The following MRTFA variants were observed in gnomAD, a reference collection of about 807,000 sequenced individuals.
MRTFA encodes the protein myocardin related transcription factor A, also known as myocardin-related transcription factor A.
MRTFA carries 20 observed loss-of-function variants against 83.5 expected under a neutral mutation model. The ratio of observed to expected loss-of-function variants is 0.24; its 90% confidence interval spans 0.17 to 0.35. The LOEUF is 0.35. MRTFA is among the 10% of genes least tolerant of loss of function. The pLI, the probability that MRTFA is intolerant of heterozygous loss-of-function variation, is 1.00. For missense variants in MRTFA, 1,200 were observed against 1,224.7 expected (o/e 0.98, Z 0.30); for synonymous variants, 659 against 541.2 (o/e 1.22, Z -3.02).
intron 3 of MRTFA, chr22:40,522,834 G>A (rs144784134): frequency 6.6e-6 from 1 of 152,308 alleles, no homozygotes; most frequent in Admixed American, 6.5e-5. Flanking sequence ...CCACAGGTAT[G>A]TTCGGGATGG....
At chr22:40,491,572 G>A (rs1442226726) in intron 3 of MRTFA, among the ~76,000 whole-genome samples, 1 of 152,154 alleles carries the variant, frequency 6.6e-6, no homozygotes, top group Non-Finnish European at 1.5e-5. Flanking sequence ...AAACTGAAAT[G>A]ATCATCAATA....
intron 3 of MRTFA, among the ~76,000 whole-genome samples, chr22:40,474,998 CTGACTAAT>C (rs766161250): frequency 5.3e-5 from 8 of 151,962 alleles, no homozygotes; most frequent in Admixed American, 1.3e-4. Context: ...GCCACCACGC[CTGACTAAT>C]TTTTGTATTT....
At chr22:40,425,180 G>A (rs1410133781) in intron 7 of MRTFA, among the ~76,000 whole-genome samples, 1 of 152,268 alleles carries the variant, frequency 6.6e-6, no homozygotes, top group Admixed American at 6.5e-5. Flanking sequence ...AGGCAGGGGA[G>A]GAGGGCGTAG....
At chr22:40,433,204 TA>T in intron 5 of MRTFA, 1 of 166,622 alleles carries the variant, frequency 6.0e-6, no homozygotes, top group Non-Finnish European at 1.3e-5. Context: ...TGGACTGGTT[TA>T]GAGGGTATAA....
rs969469045 is a variant in MRTFA at position 40,518,974 on chromosome 22, T to C, written c.241+33132A>G. 2.6e-5 allele frequency among the ~76,000 whole-genome samples: 4 copies of C among 151,554 alleles called. No homozygotes were observed. The East Asian group carries it at 7.7e-4, about 29-fold the overall frequency. ...TCTTTTATGTTTTCGTGATTTTTGT[T>C]TTGGAGGCTTTTGGTGGTGGTGGTG... On this transcript the variant is annotated intron_variant, in intron 3 of 14. Coordinates refer to ENST00000355630, the MANE Select transcript of MRTFA (RefSeq NM_020831.6).
At chr22:40,443,718 CT>C (rs1210438836) in intron 4 of MRTFA, among the ~76,000 whole-genome samples, 2 of 152,340 alleles carry the variant, frequency 1.3e-5, no homozygotes, top group Non-Finnish European at 2.9e-5. Context: ...GGAATCTAGA[CT>C]TCCATCCTTG....
intron 3 of MRTFA, among the ~76,000 whole-genome samples, chr22:40,507,168 T>C (rs573867800): frequency 2.0e-5 from 3 of 152,122 alleles, no homozygotes; most frequent in Non-Finnish European, 4.4e-5. Flanking sequence ...GAGACCAACC[T>C]GGGCAACAAG....
intron 1 of MRTFA, among the ~76,000 whole-genome samples, chr22:40,604,893 T>C (rs946140690): frequency 6.6e-6 from 1 of 152,174 alleles, no homozygotes; most frequent in Non-Finnish European, 1.5e-5. Context: ...CTGTCTGTTG[T>C]TGTCGTTGAA....
rs566280537 is a variant in MRTFA, at chr22:40,416,691, T to C, written c.2578+295A>G. On this transcript the variant is annotated intron_variant, in intron 14 of 14. Coordinates refer to ENST00000355630, the MANE Select transcript of MRTFA (RefSeq NM_020831.6). This position sits in a 1 kb window ranked among gnomAD's most constrained non-coding sequence, Gnocchi z 4.2. ...TTCCATATGATCTGCTTATTTCTTA[T>C]ATTTGTTGTCCACCTCCCCAGGCTG... Among the ~76,000 whole-genome samples the C allele has an allele frequency of 2.0e-5, 3 of 152,254 alleles. No individual in the cohort carries two copies. The highest frequency in any genetic ancestry group is 4.4e-5 in the Non-Finnish European group (3 of 68,050).
chr22:40,578,685 G>A (rs1049687165), intron 2 of MRTFA, among the ~76,000 whole-genome samples: 2 of 152,120 alleles, frequency 1.3e-5, no homozygotes, highest in Non-Finnish European at 2.9e-5. Flanking sequence ...ACTTTGGGAG[G>A]CTGAGGCAAA....
At chr22:40,539,238 G>A (rs1385477237) in intron 3 of MRTFA, among the ~76,000 whole-genome samples, 7 of 151,660 alleles carry the variant, frequency 4.6e-5, no homozygotes, top group African/African-American at 1.7e-4. Flanking sequence ...GGCCTCAAGT[G>A]ATCCACCAGC....
chr22:40,585,762 C>G (rs1602463352), intron 2 of MRTFA, among the ~76,000 whole-genome samples: 1 of 152,262 alleles, frequency 6.6e-6, no homozygotes, highest in East Asian at 1.9e-4. Flanking sequence ...ATGAAGGTGG[C>G]TTAGCCAAGG....
chr22:40,423,574 T>C lies in MRTFA; in HGVS notation c.889A>G (p.Thr297Ala), dbSNP rs1436127884. ...GGGGTGGACTTGGCAGTGGGGATAG[T>C]GGTTCCATTGGTGAGGCTGGGAGGC... is the stretch of plus-strand genomic sequence containing the variant. Residue 297 changes from threonine to alanine, a missense_variant, in exon 9 of 15, where the codon ACT becomes GCT. Transcript: ENST00000355630. The C allele has an allele frequency of 1.3e-6, 2 of 1,586,760 alleles. No homozygotes were observed.
rs1344845028 is a variant in MRTFA, at chr22:40,418,377, C to T, written c.2361G>A (p.Gln787=). The change falls in exon 12 of 15, where the codon CAG becomes CAA. Residue 787 remains glutamine, a synonymous_variant. Transcript: ENST00000355630. ...GGTTCCTCCCATACCCAGGTACCTG[C>T]TGGGGGCTCCCACTGGACAGGCCAG... 3.7e-6 allele frequency: 6 copies of T among 1,613,218 alleles called. No individual in the cohort carries two copies. Among genetic ancestry groups the T allele is most frequent in the Admixed American group, 3.3e-5 (2 of 59,902 alleles).
intron 3 of MRTFA, among the ~76,000 whole-genome samples, chr22:40,500,246 T>G (rs1182073258): frequency 6.6e-6 from 1 of 151,334 alleles, no homozygotes; most frequent in East Asian, 1.9e-4. Flanking sequence ...TGATTTTTTT[T>G]TTTTTATGCT....
At chr22:40,623,315 T>C (rs373195633) in intron 1 of MRTFA, among the ~76,000 whole-genome samples, 1 of 121,970 alleles carries the variant, frequency 8.2e-6, no homozygotes, top group African/African-American at 2.7e-5. Context: ...TTCAGGATAC[T>C]GTCTTTTTTT....
intron 2 of MRTFA, among the ~76,000 whole-genome samples, chr22:40,571,528 C>T (rs1010863410): frequency 6.6e-6 from 1 of 152,036 alleles, no homozygotes; most frequent in Non-Finnish European, 1.5e-5. Flanking sequence ...ACAAATCATA[C>T]AACTGATAAG....
chr22:40,421,721 T>G (rs1205463877), intron 9 of MRTFA, among the ~76,000 whole-genome samples: 1 of 151,610 alleles, frequency 6.6e-6, no homozygotes, highest in East Asian at 1.9e-4. Context: ...TAAGGGCCAG[T>G]AGGTGATATA....
At chr22:40,420,820 G>A in intron 10 of MRTFA, 27 bp downstream of exon 10, 2 of 1,611,586 alleles carry the variant, frequency 1.2e-6, no homozygotes, top group Non-Finnish European at 8.5e-7. Flanking sequence ...GGAGGGCAGG[G>A]GCAGGCAGTG....
Sources: allele counts gnomAD v4.1 joint callset (sites outside exome capture counted in the v4.1 genomes callset), GRCh38; gene constraint gnomAD v4.1.1; non-coding constraint Gnocchi (gnomAD v3.1); transcripts MANE v1.5; gene names NCBI Gene and HGNC (gene_info 2026-07-23, HGNC 2026-07-21).